The following CDKAL1 variants were observed in gnomAD, a reference collection of about 807,000 sequenced individuals.
CDKAL1 encodes CDKAL1 threonylcarbamoyladenosine tRNA methylthiotransferase.
CDKAL1 carries 32 observed loss-of-function variants against 68.2 expected under a neutral mutation model. The ratio of observed to expected loss-of-function variants is 0.47; its 90% CI spans 0.35 to 0.63. The LOEUF (loss-of-function observed/expected upper bound fraction) is 0.63, where lower values mean the gene tolerates loss of function less well. CDKAL1 is among the 30% of genes least tolerant of loss of function. The pLI is 0.00. For missense variants in CDKAL1, 606 were observed against 696.7 expected (o/e 0.87, Z 1.47); for synonymous variants, 234 against 244.3 (o/e 0.96, Z 0.39).
At chr6:20,763,718 G>T (rs1774570750) in intron 7 of CDKAL1, among the ~76,000 whole-genome samples, 2 of 151,974 alleles carry the variant, frequency 1.3e-5, no homozygotes, top group Admixed American at 6.6e-5. Flanking sequence ...GTACTAATAA[G>T]GTACATTGAT....
chr6:20,751,310 C>A (rs543898880), intron 6 of CDKAL1, among the ~76,000 whole-genome samples: 4 of 152,204 alleles, frequency 2.6e-5, no homozygotes, highest in African/African-American at 7.2e-5. Context: ...GCTGCCATAA[C>A]AAATTACTGT....
chr6:20,640,209 A>C (rs1768108056), intron 4 of CDKAL1, among the ~76,000 whole-genome samples: 1 of 152,218 alleles, frequency 6.6e-6, no homozygotes, highest in Non-Finnish European at 1.5e-5. Context: ...CAAGACAATC[A>C]AACTGTTTTC....
chr6:20,824,103 A>G (rs1036206889), intron 8 of CDKAL1, among the ~76,000 whole-genome samples: 3 of 152,108 alleles, frequency 2.0e-5, no homozygotes, highest in Admixed American at 6.6e-5. Flanking sequence ...CATGGATAGA[A>G]CAACCAAAGG....
At chr6:20,879,743 C>T (rs553253887) in intron 9 of CDKAL1, among the ~76,000 whole-genome samples, 46 of 152,330 alleles carry the variant, frequency 3.0e-4, no homozygotes, top group Admixed American at 6.5e-4. Flanking sequence ...CTGATTCCCA[C>T]ACTTCTGGTT....
chr6:20,824,910 A>G (rs1054343915), intron 8 of CDKAL1, among the ~76,000 whole-genome samples: 1 of 152,206 alleles, frequency 6.6e-6, no homozygotes, highest in African/African-American at 2.4e-5. Flanking sequence ...TTGACTGTTA[A>G]AATGGCATGT....
intron 12 of CDKAL1, among the ~76,000 whole-genome samples, chr6:21,103,283 T>C (rs1773673435): frequency 6.6e-6 from 1 of 152,232 alleles, no homozygotes; most frequent in Admixed American, 6.5e-5. Context: ...TGTTATTACA[T>C]GCGGGGCCTC....
intron 10 of CDKAL1, among the ~76,000 whole-genome samples, chr6:20,961,129 CACAT>C (rs1396285540): frequency 1.8e-4 from 27 of 152,274 alleles, no homozygotes; most frequent in African/African-American, 3.6e-4. Flanking sequence ...GTATTTAAGA[CACAT>C]GCATGCATAT....
intron 4 of CDKAL1, among the ~76,000 whole-genome samples, chr6:20,598,622 A>G (rs945076043): frequency 1.3e-5 from 2 of 152,228 alleles, no homozygotes; most frequent in African/African-American, 2.4e-5. Context: ...TAAAATATAC[A>G]TATGAAACGA....
At chr6:21,118,091 A>T (rs759201354) in intron 13 of CDKAL1, among the ~76,000 whole-genome samples, 2 of 152,162 alleles carry the variant, frequency 1.3e-5, no homozygotes, top group Non-Finnish European at 2.9e-5. Context: ...CAGGAAGAAG[A>T]ATTTTCCAAT....
intron 12 of CDKAL1, among the ~76,000 whole-genome samples, chr6:21,084,610 C>T (rs985421411): frequency 6.6e-6 from 1 of 152,210 alleles, no homozygotes; most frequent in African/African-American, 2.4e-5. Flanking sequence ...ATGTACCTTA[C>T]ATTCCTTTAC....
At chr6:20,673,796 C>T (rs1009371299) in intron 5 of CDKAL1, among the ~76,000 whole-genome samples, 2 of 152,146 alleles carry the variant, frequency 1.3e-5, no homozygotes, top group Non-Finnish European at 2.9e-5. Flanking sequence ...TCCTCCTTAC[C>T]GTCCGCCATG....
chr6:21,073,731 G>A (rs1469869892), intron 12 of CDKAL1, among the ~76,000 whole-genome samples: 1 of 152,058 alleles, frequency 6.6e-6, no homozygotes, highest in Non-Finnish European at 1.5e-5. Flanking sequence ...AGAGTTCTTT[G>A]TGTATTTTGG....
At chr6:20,689,796 C>T (rs552631187) in intron 5 of CDKAL1, among the ~76,000 whole-genome samples, 81 of 152,186 alleles carry the variant, frequency 5.3e-4, no homozygotes, top group African/African-American at 1.9e-3. Flanking sequence ...TATTTAATTG[C>T]AATGAATGGG....
intron 12 of CDKAL1, among the ~76,000 whole-genome samples, chr6:21,085,817 G>A (rs1191293413): frequency 2.6e-5 from 4 of 152,274 alleles, no homozygotes; most frequent in Non-Finnish European, 4.4e-5. Context: ...GGCAAGGAGT[G>A]ACGCAATCTA....
chr6:20,844,597 C>T (rs1402944731), intron 8 of CDKAL1, among the ~76,000 whole-genome samples: 2 of 151,844 alleles, frequency 1.3e-5, no homozygotes, highest in Non-Finnish European at 2.9e-5. Context: ...CACCTGTAAT[C>T]CCAGCACTTT....
intron 5 of CDKAL1, among the ~76,000 whole-genome samples, chr6:20,711,226 T>C (rs1771830221): frequency 6.6e-6 from 1 of 152,214 alleles, no homozygotes; most frequent in African/African-American, 2.4e-5. Context: ...GAAATATACA[T>C]GTTAATTCAT....
At chr6:21,159,764 T>G (rs1776821639) in intron 13 of CDKAL1, among the ~76,000 whole-genome samples, 1 of 152,218 alleles carries the variant, frequency 6.6e-6, no homozygotes, top group African/African-American at 2.4e-5. Flanking sequence ...GTTGAGATCT[T>G]ACCTCCTGTT....
At chr6:20,757,541 TA>T (rs1561751497) in intron 6 of CDKAL1, among the ~76,000 whole-genome samples, 1 of 135,378 alleles carries the variant, frequency 7.4e-6, no homozygotes, top group Admixed American at 7.5e-5. Flanking sequence ...ATATCTTTTT[TA>T]TATATTTATT....
At chr6:20,803,067 C>T (rs537792670) in intron 8 of CDKAL1, among the ~76,000 whole-genome samples, 3 of 152,248 alleles carry the variant, frequency 2.0e-5, no homozygotes, top group South Asian at 4.1e-4. Context: ...CCTGAAGCCA[C>T]GTTTGTTGCC....
Sources: allele counts gnomAD v4.1 joint callset (sites outside exome capture counted in the v4.1 genomes callset), GRCh38; gene constraint gnomAD v4.1.1; transcripts MANE v1.5; gene names NCBI Gene and HGNC (gene_info 2026-07-23, HGNC 2026-07-21).